Variants in ZFHX3 observed in about 807,000 individuals in gnomAD.
The protein encoded by ZFHX3 is zinc finger homeobox 3, also known as zinc finger homeobox protein 3.
Under a neutral mutation model 279.1 loss-of-function variants are expected in ZFHX3, and 42 were observed. The ratio of observed to expected loss-of-function variants is 0.15; its 90% CI spans 0.12 to 0.19. ZFHX3 has a LOEUF of 0.19. ZFHX3 is among the 10% of genes least tolerant of loss of function. The probability of loss-of-function intolerance (pLI) is 1.00; values close to 1 mark genes in which losing one functional copy is unlikely to be tolerated. For missense variants in ZFHX3, 4,981 were observed against 4,754.0 expected (o/e 1.05, Z -1.40); for synonymous variants, 2,293 against 1,957.8 (o/e 1.17, Z -4.52).
chr16:73,565,775 T>A (rs1267353277), intron 2 of ZFHX3, among the ~76,000 whole-genome samples: 1 of 152,196 alleles, frequency 6.6e-6, no homozygotes, highest in Non-Finnish European at 1.5e-5. Flanking sequence ...CAATAGGGCT[T>A]CCATCAACAT....
chr16:73,592,880 G>A (rs900609175), intron 2 of ZFHX3, among the ~76,000 whole-genome samples: 3 of 151,436 alleles, frequency 2.0e-5, no homozygotes, highest in African/African-American at 7.3e-5. Flanking sequence ...GAAACTACTG[G>A]TAAGACAAAC....
intron 1 of ZFHX3, among the ~76,000 whole-genome samples, chr16:73,770,625 T>C (rs2054006825): frequency 1.3e-5 from 2 of 152,026 alleles, no homozygotes. Flanking sequence ...AACAAGAAAA[T>C]AGCATTGCTA....
At chr16:72,800,420 G>C (rs1567521353) in intron 7 of ZFHX3, among the ~76,000 whole-genome samples, 2 of 152,116 alleles carry the variant, frequency 1.3e-5, no homozygotes, top group Non-Finnish European at 2.9e-5. Flanking sequence ...ACAATGTTTT[G>C]TCATGGGCTG....
chr16:72,960,105 T>C lies in ZFHX3; in HGVS notation c.41A>G (p.Asn14Ser), dbSNP rs1961502223. The C allele has an allele frequency of 6.2e-6, 10 of 1,603,068 alleles. No individual in the cohort carries two copies. The highest frequency in any genetic ancestry group is 4.5e-5 in the East Asian group (2 of 44,748). The part of the protein sequence containing the change: ...CDSPVVSGKD[N>S]GCGIPQHQQW... ...CTGGTGCTGAGGGATACCGCACCCA[T>C]TGTCCTTCCCCGAGACGACGGGCGA... The change falls in exon 2 of 10, where the codon AAT becomes AGT. Residue 14 changes from asparagine to serine, a missense_variant. Asn to Ser is a conservative substitution (Grantham distance 46, BLOSUM62 1). Around this residue, in one of 7 missense-constraint regions of ZFHX3, gnomAD observed 1,068 missense variants for 935.2 expected, o/e 1.14. Transcript: ENST00000268489.
chr16:73,615,504 A>G (rs1051447917), intron 2 of ZFHX3, among the ~76,000 whole-genome samples: 1 of 152,288 alleles, frequency 6.6e-6, no homozygotes, highest in East Asian at 1.9e-4. Flanking sequence ...AACTAGCAAA[A>G]TCCTTTTGTA....
chr16:73,413,020 A>T (rs12932154), intron 3 of ZFHX3, among the ~76,000 whole-genome samples: 61,650 of 152,076 alleles, frequency 0.41, 13,762 homozygotes, highest in Non-Finnish European at 0.52. Flanking sequence ...ATGTATAGAA[A>T]GCTGCCTTGC....
At chr16:73,857,277 C>G (rs1961756893) in intron 1 of ZFHX3, among the ~76,000 whole-genome samples, 1 of 152,000 alleles carries the variant, frequency 6.6e-6, no homozygotes, top group Non-Finnish European at 1.5e-5. Flanking sequence ...TTTTAAAATG[C>G]AATATACTGA....
intron 1 of ZFHX3, among the ~76,000 whole-genome samples, chr16:73,759,754 A>G (rs1567400697): frequency 6.6e-6 from 1 of 152,164 alleles, no homozygotes; most frequent in Non-Finnish European, 1.5e-5. Context: ...GCCCAATTCT[A>G]TAAGCTATGC....
At chr16:73,001,654 T>A (rs1027613236) in intron 1 of ZFHX3, among the ~76,000 whole-genome samples, 1 of 151,348 alleles carries the variant, frequency 6.6e-6, no homozygotes, top group Admixed American at 6.6e-5. Flanking sequence ...CTCTACAAAA[T>A]TTTTTTTAAA....
rs555283395 is a variant in ZFHX3, at chr16:73,596,263, T to C, written c.-1547+83917A>G. 1.9e-3 allele frequency among the ~76,000 whole-genome samples: 289 copies of C among 152,248 alleles called. 1 individual carries two copies. The highest frequency in any genetic ancestry group is 3.3e-3 in the Non-Finnish European group (227 of 68,026). On this transcript the variant is annotated intron_variant, in intron 2 of 17. Coordinates refer to the ZFHX3 transcript ENST00000641206. ...TAGTCTCTATCTCCTGACTTCGTGA[T>C]CCACCCACCTCGGCCTCCCAAACTG... is the stretch of plus-strand genomic sequence containing the variant.
At chr16:73,572,542 C>T (rs2051752681) in intron 2 of ZFHX3, among the ~76,000 whole-genome samples, 1 of 152,206 alleles carries the variant, frequency 6.6e-6, no homozygotes, top group Non-Finnish European at 1.5e-5. Flanking sequence ...TCTTGAGCCT[C>T]CCCTCTCCGT....
At chr16:72,983,179 G>A (rs1962685127) in intron 1 of ZFHX3, among the ~76,000 whole-genome samples, 1 of 152,236 alleles carries the variant, frequency 6.6e-6, no homozygotes, top group Non-Finnish European at 1.5e-5. Context: ...AGAAAACAAT[G>A]AGACTTATGA....
chr16:73,329,828 G>A (rs1484691042), intron 3 of ZFHX3, among the ~76,000 whole-genome samples: 4 of 152,192 alleles, frequency 2.6e-5, no homozygotes, highest in Non-Finnish European at 4.4e-5. Context: ...GACAAGTTAT[G>A]GGAAAGGCGA....
chr16:72,944,909 G>A (rs148107643), intron 3 of ZFHX3, among the ~76,000 whole-genome samples: 4 of 152,224 alleles, frequency 2.6e-5, no homozygotes, highest in Admixed American at 6.5e-5. Flanking sequence ...TATGGTTAAT[G>A]GTTGCAAAAC....
Position 72,794,952 on chromosome 16 carries a change from A to G in ZFHX3, c.7730T>C (p.Phe2577Ser). ...GGCCAGGAGTGGGTTACTGGGATCA[A>G]AGAGCATGAAAGGCATATCCAGGGA... ...DRSLDMPFML[F>S]DPSNPLLASQ... The change falls in exon 9 of 10, where the codon TTT becomes TCT. Residue 2577 changes from phenylalanine (F) to serine (S), a missense_variant. Phe to Ser is a radical substitution (Grantham distance 155). This residue lies in a region of ZFHX3 where 744 missense variants were observed against 701.3 expected (regional missense o/e 1.06). Transcript: ENST00000268489. The surrounding 1 kb of genome is among the most constrained non-coding windows in gnomAD (Gnocchi z 4.2). 6.2e-7 allele frequency: 1 copy of G among 1,614,148 alleles called. No individual in the cohort carries two copies. Among genetic ancestry groups the G allele is most frequent in the African/African-American group, 1.3e-5 (1 of 75,030 alleles).
intron 3 of ZFHX3, among the ~76,000 whole-genome samples, chr16:73,342,512 C>T (rs2016051452): frequency 6.6e-6 from 1 of 152,226 alleles, no homozygotes; most frequent in African/African-American, 2.4e-5. Flanking sequence ...GGAAGAGCTC[C>T]AGGAGTCGAT....
At chr16:73,554,436 T>C (rs1324516427) in intron 2 of ZFHX3, 2 of 152,202 alleles carry the variant, frequency 1.3e-5, no homozygotes, top group African/African-American at 4.8e-5. Flanking sequence ...ACCAGACGTA[T>C]ATGAATAAAA....
chr16:73,524,087 G>T (rs1011687239), intron 2 of ZFHX3, among the ~76,000 whole-genome samples: 1 of 152,126 alleles, frequency 6.6e-6, no homozygotes, highest in African/African-American at 2.4e-5. Context: ...TTCGCATAAG[G>T]GAAGGACAGT....
intron 2 of ZFHX3, among the ~76,000 whole-genome samples, chr16:73,497,199 A>C (rs1198549044): frequency 6.6e-6 from 1 of 152,154 alleles, no homozygotes; most frequent in Non-Finnish European, 1.5e-5. Context: ...AGGCTATTCC[A>C]CCATCTCCGA....
Sources: gnomAD v4.1 joint callset for allele counts (sites outside exome capture counted in the v4.1 genomes callset) on GRCh38, gnomAD v4.1.1 for gene constraint, gnomAD v4.1.1 regional missense constraint, Gnocchi (gnomAD v3.1) non-coding constraint, MANE v1.5 for transcripts, NCBI Gene and HGNC (gene_info 2026-07-23, HGNC 2026-07-21) for gene names.